Variants in INPP5A observed in about 807,000 individuals in gnomAD.
INPP5A encodes the protein inositol polyphosphate-5-phosphatase A.
Under a neutral mutation model 65.2 loss-of-function variants are expected in INPP5A, and 14 were observed. That is an observed-to-expected ratio of 0.21 (90% CI 0.14 to 0.34). The LOEUF is 0.34. Ranked by LOEUF, INPP5A falls within the 10% of genes least tolerant of loss-of-function variation. INPP5A has a pLI of 1.00. For missense variants in INPP5A, 431 were observed against 545.6 expected (o/e 0.79, Z 2.09); for synonymous variants, 207 against 208.3 (o/e 0.99, Z 0.05).
At chr10:132,772,625 C>CATGAAGAGTGGG (rs1846975797) in intron 12 of INPP5A, among the ~76,000 whole-genome samples, 2 of 107,924 alleles carry the variant, frequency 1.9e-5, no homozygotes, top group Non-Finnish European at 4.1e-5. Flanking sequence ...GCAGCCACCC[C>CATGAAGAGTGGG]ACGAAGAGTG....
rs563599907 is a variant in INPP5A at position 132,741,489 on chromosome 10, G to A, written c.733-8028G>A. Among the ~76,000 whole-genome samples the A allele has an allele frequency of 4.6e-5, 7 of 152,278 alleles. 1 individual carries two copies. The South Asian group carries it at 1.2e-3, about 27-fold the overall frequency. On this transcript the variant is annotated intron_variant, in intron 9 of 15. Transcript: ENST00000368594. This position sits in a 1 kb window ranked among gnomAD's most constrained non-coding sequence, Gnocchi z 4.4. ...ACCCCAGCCTGCATTGCACCCAGAA[G>A]AGGATACCCCCGAATGAAGCTGGAG...
rs529911735 is a variant in INPP5A, at chr10:132,681,804, A to G, written c.307-8588A>G. Among the ~76,000 whole-genome samples, 380 of 152,390 alleles carry G rather than the reference A, an allele frequency of 2.5e-3. 2 individuals are homozygous for G. The highest frequency in any genetic ancestry group is 5.5e-3 in the Admixed American group (84 of 15,308). On this transcript the variant is annotated intron_variant, in intron 4 of 15. Coordinates refer to ENST00000368594, the MANE Select transcript of INPP5A (RefSeq NM_005539.5). Reference sequence around the variant, plus strand: ...TTTGCACACCTATAATCAAAGCAGTATTATTCACAACTGCAAAATGCGGAA... The same window carrying G: ...TTTGCACACCTATAATCAAAGCAGTGTTATTCACAACTGCAAAATGCGGAA...
intron 12 of INPP5A, 43 bp from the exon 13 acceptor site, chr10:132,777,628 G>A: frequency 6.3e-7 from 1 of 1,586,382 alleles, no homozygotes; most frequent in African/African-American, 1.3e-5. Context: ...GCTGAGGACG[G>A]CCCGAGCCGG....
At chr10:132,658,866 G>A (rs1021267180) in intron 4 of INPP5A, among the ~76,000 whole-genome samples, 11 of 152,054 alleles carry the variant, frequency 7.2e-5, no homozygotes, top group African/African-American at 1.2e-4. Context: ...GGCTGCTCCC[G>A]GTGGCTCCAT....
intron 9 of INPP5A, among the ~76,000 whole-genome samples, chr10:132,732,083 C>CG (rs1327513198): frequency 6.6e-6 from 1 of 152,250 alleles, no homozygotes; most frequent in Non-Finnish European, 1.5e-5. Context: ...CTCATTCACA[C>CG]GCCCGGCCAC....
intron 1 of INPP5A, among the ~76,000 whole-genome samples, chr10:132,597,486 GATATT>G: frequency 6.6e-6 from 1 of 152,242 alleles, no homozygotes; most frequent in Non-Finnish European, 1.5e-5. Flanking sequence ...CACATATTAG[GATATT>G]ATATTGTTAT....
At chr10:132,541,468 C>A (rs2133239640) in intron 1 of INPP5A, among the ~76,000 whole-genome samples, 1 of 152,364 alleles carries the variant, frequency 6.6e-6, no homozygotes, top group South Asian at 2.1e-4. Flanking sequence ...CCTGTGCAGA[C>A]AGTGTTGCGG....
intron 1 of INPP5A, among the ~76,000 whole-genome samples, chr10:132,592,254 G>A (rs1337822099): frequency 2.6e-5 from 4 of 152,206 alleles, no homozygotes; most frequent in Non-Finnish European, 5.9e-5. Flanking sequence ...AGAGGGAGGG[G>A]CAGGTTGACT....
intron 1 of INPP5A, among the ~76,000 whole-genome samples, chr10:132,582,090 C>T (rs1174272723): frequency 6.6e-6 from 1 of 152,112 alleles, no homozygotes; most frequent in Non-Finnish European, 1.5e-5. Context: ...CTGCCCGTCT[C>T]GGCCTCCCAA....
chr10:132,665,270 G>A (rs1424828675), intron 4 of INPP5A, among the ~76,000 whole-genome samples: 1 of 152,210 alleles, frequency 6.6e-6, no homozygotes, highest in African/African-American at 2.4e-5. Flanking sequence ...TGGCTGACCC[G>A]TGGCCTTGAG....
intron 11 of INPP5A, among the ~76,000 whole-genome samples, chr10:132,759,631 C>A (rs771364972): frequency 6.6e-6 from 1 of 151,954 alleles, no homozygotes; most frequent in Non-Finnish European, 1.5e-5. Context: ...AACATCGAAG[C>A]TCTCGGGAAG....
rs564335099 is a variant in INPP5A, at chr10:132,573,813, G to A, written c.76-34102G>A. On this transcript the variant is annotated intron_variant, in intron 1 of 15. Transcript: ENST00000368594. ...TTGTTGATGTTGAGGTGTGTGTGCCGTGTGAGGTTTTGTTGAGATGTTGGG... is the reference window on the plus strand; with the variant it reads ...TTGTTGATGTTGAGGTGTGTGTGCCATGTGAGGTTTTGTTGAGATGTTGGG... Among the ~76,000 whole-genome samples the A allele has an allele frequency of 6.4e-4, 85 of 133,400 alleles. 2 individuals carry two copies. The highest frequency in any genetic ancestry group is 2.4e-3 in the African/African-American group (80 of 33,176). 87.5% of individuals were successfully genotyped at this position (133,400 alleles called of 152,430 possible).
At chr10:132,597,634 C>T (rs1298034745) in intron 1 of INPP5A, among the ~76,000 whole-genome samples, 2 of 152,194 alleles carry the variant, frequency 1.3e-5, no homozygotes, top group East Asian at 3.8e-4. Flanking sequence ...GTATTAACAT[C>T]TGTGTGCATT....
At chr10:132,714,442 C>T (rs1014877507) in intron 8 of INPP5A, among the ~76,000 whole-genome samples, 5 of 152,234 alleles carry the variant, frequency 3.3e-5, no homozygotes, top group African/African-American at 1.2e-4. Flanking sequence ...ACGCTGCCAC[C>T]AACGGGGCCC....
At chr10:132,714,744 C>A (rs570455910) in intron 8 of INPP5A, among the ~76,000 whole-genome samples, 1 of 152,352 alleles carries the variant, frequency 6.6e-6, no homozygotes, top group Non-Finnish European at 1.5e-5. Context: ...GAGAGACAAG[C>A]TCTGAGTTAA....
chr10:132,713,435 T>C (rs982668227), intron 8 of INPP5A, among the ~76,000 whole-genome samples: 9 of 152,072 alleles, frequency 5.9e-5, no homozygotes, highest in Admixed American at 6.5e-5. Flanking sequence ...CCTGCCGCCT[T>C]CACGATCCTC....
chr10:132,685,408 C>T (rs1462731554), intron 4 of INPP5A, among the ~76,000 whole-genome samples: 1 of 152,248 alleles, frequency 6.6e-6, no homozygotes, highest in East Asian at 1.9e-4. Context: ...TTGTGCATTT[C>T]CCCTTTCTGT....
chr10:132,550,772 A>AGG lies in INPP5A; in HGVS notation c.75+12604_75+12605dup. On this transcript the variant is annotated intron_variant, in intron 1 of 15. Coordinates refer to ENST00000368594, the MANE Select transcript of INPP5A (RefSeq NM_005539.5). The surrounding 1 kb of genome is among the most constrained non-coding windows in gnomAD (Gnocchi z 4.2). Reference sequence around the variant, plus strand: ...TGGAGGTGGCAGCCGCCAGAGTGTGAGGGGCCATGGTCGCTGACCTCGCCT... The same window carrying AGG: ...TGGAGGTGGCAGCCGCCAGAGTGTGAGGGGGGCCATGGTCGCTGACCTCGCCT... Among the ~76,000 whole-genome samples the AGG allele has an allele frequency of 6.6e-6, 1 of 152,332 alleles. No homozygotes were observed. The highest frequency in any genetic ancestry group is 1.5e-5 in the Non-Finnish European group (1 of 68,022).
At chr10:132,765,691 G>T in intron 11 of INPP5A, 82 bp from the exon 12 acceptor site, 4 of 819,084 alleles carry the variant, frequency 4.9e-6, no homozygotes, top group Non-Finnish European at 8.7e-6. Context: ...GAGCATTTGA[G>T]CGTCCCAGCT....
Sources: gnomAD v4.1 joint callset for allele counts (sites outside exome capture counted in the v4.1 genomes callset) on GRCh38, gnomAD v4.1.1 for gene constraint, Gnocchi (gnomAD v3.1) non-coding constraint, MANE v1.5 for transcripts, NCBI Gene and HGNC (gene_info 2026-07-23, HGNC 2026-07-21) for gene names.